The following NPAS3 variants were observed in gnomAD, a reference collection of about 807,000 sequenced individuals.
NPAS3 encodes neuronal PAS domain-containing protein 3.
NPAS3 carries 14 observed loss-of-function variants against 73.1 expected under a neutral mutation model. That is an observed-to-expected ratio of 0.19 (90% CI 0.13 to 0.30). NPAS3 has a LOEUF of 0.30. Ranked by LOEUF, NPAS3 falls within the 10% of genes least tolerant of loss-of-function variation. The probability of loss-of-function intolerance (pLI) is 1.00; values close to 1 mark genes in which losing one functional copy is unlikely to be tolerated. For synonymous variants in NPAS3, 620 were observed against 541.5 expected, an observed-to-expected ratio of 1.14 and a Z score of -2.01; for missense variants, 1,096 against 1,250.0, an observed-to-expected ratio of 0.88 and a Z score of 1.86.
intron 3 of NPAS3, among the ~76,000 whole-genome samples, chr14:33,229,718 A>G (rs1442800727): frequency 6.6e-6 from 1 of 152,176 alleles, no homozygotes; most frequent in African/African-American, 2.4e-5. Context: ...ACTGCTAGAA[A>G]AGTGGCAGTC....
chr14:33,186,323 T>G (rs2139474917), intron 2 of NPAS3, among the ~76,000 whole-genome samples: 1 of 152,318 alleles, frequency 6.6e-6, no homozygotes, highest in East Asian at 1.9e-4. Flanking sequence ...TCTTATAGTG[T>G]TGAGGGCTGT....
intron 5 of NPAS3, among the ~76,000 whole-genome samples, chr14:33,629,323 A>G (rs1330764556): frequency 6.6e-6 from 1 of 152,168 alleles, no homozygotes; most frequent in Admixed American, 6.5e-5. Context: ...TCAAGAAGGA[A>G]TATGCATTGC....
chr14:33,113,906 C>T (rs2042977589), intron 2 of NPAS3, among the ~76,000 whole-genome samples: 1 of 152,136 alleles, frequency 6.6e-6, no homozygotes, highest in Non-Finnish European at 1.5e-5. Context: ...AAGGCCTTTT[C>T]TGCATCTATT....
intron 3 of NPAS3, among the ~76,000 whole-genome samples, chr14:33,241,179 C>T (rs574156289): frequency 6.6e-6 from 1 of 152,012 alleles, no homozygotes; most frequent in East Asian, 1.9e-4. Context: ...GCCTGGTGAA[C>T]TCTGATTTTC....
chr14:33,469,209 G>T (rs1056428982), intron 4 of NPAS3, among the ~76,000 whole-genome samples: 2 of 151,090 alleles, frequency 1.3e-5, no homozygotes, highest in African/African-American at 4.9e-5. Flanking sequence ...AAATAGTCTT[G>T]TTTGAGAATT....
intron 5 of NPAS3, among the ~76,000 whole-genome samples, chr14:33,654,780 C>T (rs1353837650): frequency 6.6e-6 from 1 of 152,172 alleles, no homozygotes; most frequent in Non-Finnish European, 1.5e-5. Context: ...TTGACCCTCA[C>T]TTCAAAAAAT....
chr14:33,663,329 G>A (rs574056551), intron 5 of NPAS3, among the ~76,000 whole-genome samples: 43 of 152,142 alleles, frequency 2.8e-4, no homozygotes, highest in African/African-American at 1.0e-3. Context: ...ATAATCATGA[G>A]GTTTTTGTCA....
At chr14:33,107,967 G>C (rs188107480) in intron 2 of NPAS3, among the ~76,000 whole-genome samples, 1 of 152,216 alleles carries the variant, frequency 6.6e-6, no homozygotes, top group Non-Finnish European at 1.5e-5. Flanking sequence ...TGCTTTGTAA[G>C]TTGTTATTTT....
chr14:33,747,633 G>C (rs1324953405), intron 7 of NPAS3, among the ~76,000 whole-genome samples: 1 of 152,212 alleles, frequency 6.6e-6, no homozygotes, highest in Non-Finnish European at 1.5e-5. Flanking sequence ...GCCTGGGCAG[G>C]TGTGTGTCTT....
intron 5 of NPAS3, among the ~76,000 whole-genome samples, chr14:33,610,143 C>G (rs1398027016): frequency 6.6e-6 from 1 of 151,782 alleles, no homozygotes; most frequent in Non-Finnish European, 1.5e-5. Context: ...AGTCTGGGAA[C>G]CCAAAAGAGG....
intron 1 of NPAS3, among the ~76,000 whole-genome samples, chr14:32,987,862 T>G (rs1328502712): frequency 6.6e-6 from 1 of 152,188 alleles, no homozygotes; most frequent in African/African-American, 2.4e-5. Flanking sequence ...TCCATGAAAT[T>G]TCTTATACTT....
At chr14:33,404,474 A>T (rs997102228) in intron 4 of NPAS3, among the ~76,000 whole-genome samples, 1 of 152,128 alleles carries the variant, frequency 6.6e-6, no homozygotes, top group Middle Eastern at 3.4e-3. Flanking sequence ...TTCATTTTTA[A>T]TTCTTTTTTT....
intron 3 of NPAS3, among the ~76,000 whole-genome samples, chr14:33,272,205 A>G (rs1222749869): frequency 6.6e-6 from 1 of 152,170 alleles, no homozygotes. Context: ...TTAATATAAT[A>G]TTCAGCAGTC....
intron 7 of NPAS3, among the ~76,000 whole-genome samples, chr14:33,742,518 T>C (rs1425913302): frequency 6.6e-6 from 1 of 152,232 alleles, no homozygotes; most frequent in Non-Finnish European, 1.5e-5. Flanking sequence ...AATAATTTAT[T>C]GCTAAGAACT....
chr14:33,116,278 T>C (rs2043062311), intron 2 of NPAS3, among the ~76,000 whole-genome samples: 1 of 152,186 alleles, frequency 6.6e-6, no homozygotes, highest in Non-Finnish European at 1.5e-5. Context: ...TTCTGTTCTT[T>C]GCAAAGCTAC....
intron 5 of NPAS3, among the ~76,000 whole-genome samples, chr14:33,605,727 T>C (rs1366492332): frequency 1.3e-5 from 2 of 152,150 alleles, no homozygotes; most frequent in Non-Finnish European, 2.9e-5. Flanking sequence ...AAGGCCTAAA[T>C]AAATGGAGAG....
At chr14:33,325,655 A>AG (rs1322222660) in intron 3 of NPAS3, among the ~76,000 whole-genome samples, 1 of 151,198 alleles carries the variant, frequency 6.6e-6, no homozygotes, top group Admixed American at 6.6e-5. Flanking sequence ...AAAAAAAAAA[A>AG]AAAGTACAGT....
At chr14:33,189,767 G>C (rs1443751138) in intron 2 of NPAS3, among the ~76,000 whole-genome samples, 1 of 152,134 alleles carries the variant, frequency 6.6e-6, no homozygotes, top group Non-Finnish European at 1.5e-5. Context: ...CTAAATACTT[G>C]GAGGGGTATT....
Position 33,339,704 on chromosome 14 carries a change from A to T in NPAS3, c.386-27482A>T, listed in dbSNP as rs541271396. Among the ~76,000 whole-genome samples, 3 of 152,236 alleles carry T rather than the reference A, an allele frequency of 2.0e-5. No homozygotes were observed. In the South Asian group the frequency reaches 6.2e-4, roughly 32 times the overall value. On this transcript the variant is annotated intron_variant, in intron 3 of 11. Transcript: ENST00000356141. ...ATGACATAAATAAATAATCAGCATGACAGTTGAGGTCTAATTTGGAGAAAA... is the reference window on the plus strand; with the variant it reads ...ATGACATAAATAAATAATCAGCATGTCAGTTGAGGTCTAATTTGGAGAAAA...
Sources: allele counts gnomAD v4.1 joint callset (sites outside exome capture counted in the v4.1 genomes callset), GRCh38; gene constraint gnomAD v4.1.1; transcripts MANE v1.5; gene names NCBI Gene and HGNC (gene_info 2026-07-23, HGNC 2026-07-21).